Variants in PDE4D observed in about 807,000 individuals in gnomAD.
The protein encoded by PDE4D is phosphodiesterase 4D, also known as 3',5'-cyclic-AMP phosphodiesterase 4D.
In PDE4D, 24 loss-of-function variants were observed where a neutral mutation model predicts 87.4. That is an observed-to-expected ratio of 0.27 (90% CI 0.20 to 0.39). The LOEUF (loss-of-function observed/expected upper bound fraction) is 0.39, where lower values mean the gene tolerates loss of function less well. Ranked by LOEUF, PDE4D falls within the 10% of genes least tolerant of loss-of-function variation. PDE4D has a pLI of 1.00. For synonymous variants in PDE4D, 384 were observed against 383.2 expected (o/e 1.00, Z -0.02); for missense variants, 714 against 1,041.0 (o/e 0.69, Z 4.32).
intron 6 of PDE4D, among the ~76,000 whole-genome samples, chr5:59,009,450 T>G (rs1006769090): frequency 2.0e-5 from 3 of 152,144 alleles, no homozygotes; most frequent in African/African-American, 7.2e-5. Flanking sequence ...AAATGTATTA[T>G]AAGTGAAACT....
intron 1 of PDE4D, among the ~76,000 whole-genome samples, chr5:59,791,662 C>G (rs75724778): frequency 6.6e-6 from 1 of 152,058 alleles, no homozygotes; most frequent in Non-Finnish European, 1.5e-5. Context: ...GTCACAAGAC[C>G]GGGCCCTGTA....
chr5:59,218,704 T>G (rs1751807374), intron 1 of PDE4D, among the ~76,000 whole-genome samples: 1 of 152,066 alleles, frequency 6.6e-6, no homozygotes, highest in Non-Finnish European at 1.5e-5. Context: ...TAGGAACTCA[T>G]GAAAATAACC....
At chr5:60,310,352 G>T (rs754434662) in intron 1 of PDE4D, among the ~76,000 whole-genome samples, 23 of 152,270 alleles carry the variant, frequency 1.5e-4, no homozygotes, top group South Asian at 4.2e-4. Context: ...TGATGGCCAG[G>T]ATAGTAGAGG....
At chr5:59,198,360 T>C (rs189396740) in intron 2 of PDE4D, among the ~76,000 whole-genome samples, 1 of 151,498 alleles carries the variant, frequency 6.6e-6, no homozygotes. Context: ...TGTATGCACA[T>C]ATGTATGTAT....
rs1052300611 is a variant in PDE4D at position 59,651,570 on chromosome 5, C to T, written c.455+241598G>A. Among the ~76,000 whole-genome samples, 4 of 151,928 alleles carry T rather than the reference C, an allele frequency of 2.6e-5. No homozygotes were observed. In the East Asian group the frequency reaches 5.8e-4, roughly 22 times the overall value. On this transcript the variant is annotated intron_variant, in intron 1 of 14. Transcript: ENST00000340635. The stretch of plus-strand genomic sequence containing the variant: ...GGGTCATTCAATATATGAAACTTTT[C>T]CGTGGAAAATATTAATAATTATAAT...
chr5:59,826,314 A>G (rs1419516976), intron 1 of PDE4D, among the ~76,000 whole-genome samples: 1 of 152,134 alleles, frequency 6.6e-6, no homozygotes, highest in Non-Finnish European at 1.5e-5. Context: ...ACATTATACA[A>G]ATTTTATTGT....
At chr5:59,706,667 A>C (rs1245351260) in intron 1 of PDE4D, among the ~76,000 whole-genome samples, 1 of 152,158 alleles carries the variant, frequency 6.6e-6, no homozygotes, top group Non-Finnish European at 1.5e-5. Context: ...GAATTCTAGA[A>C]TGTATCCTTT....
At chr5:58,981,687 T>G (rs1745206221) in intron 11 of PDE4D, among the ~76,000 whole-genome samples, 1 of 152,160 alleles carries the variant, frequency 6.6e-6, no homozygotes, top group Non-Finnish European at 1.5e-5. Context: ...TTACTACTCA[T>G]TCTGTATTCC....
chr5:59,244,505 T>G (rs1009967411), intron 1 of PDE4D, among the ~76,000 whole-genome samples: 1 of 151,182 alleles, frequency 6.6e-6, no homozygotes, highest in East Asian at 1.9e-4. Context: ...TCCTATTATG[T>G]GCCAGATGAA....
At chr5:60,433,223 C>T (rs758127904) in intron 1 of PDE4D, among the ~76,000 whole-genome samples, 1 of 151,972 alleles carries the variant, frequency 6.6e-6, no homozygotes, top group Non-Finnish European at 1.5e-5. Flanking sequence ...GGAACTTAGA[C>T]AAATTGACAA....
chr5:60,389,351 G>A (rs1214995708), intron 1 of PDE4D, among the ~76,000 whole-genome samples: 9 of 152,012 alleles, frequency 5.9e-5, no homozygotes, highest in Non-Finnish European at 1.2e-4. Flanking sequence ...TTTTTCGAAG[G>A]AGAGAATAAA....
At chr5:59,550,615 T>C (rs1481105625) in intron 1 of PDE4D, among the ~76,000 whole-genome samples, 1 of 152,214 alleles carries the variant, frequency 6.6e-6, no homozygotes, top group East Asian at 1.9e-4. Context: ...TGGGGTTTTA[T>C]TCATGTAACT....
At chr5:60,431,442 G>A (rs1414554759) in intron 1 of PDE4D, among the ~76,000 whole-genome samples, 24 of 149,932 alleles carry the variant, frequency 1.6e-4, no homozygotes, top group African/African-American at 5.7e-4. Context: ...ACGGGGCGGC[G>A]GGGCAGAGGC....
chr5:59,124,052 A>G (rs373019531), intron 5 of PDE4D, among the ~76,000 whole-genome samples: 42 of 152,252 alleles, frequency 2.8e-4, no homozygotes, highest in African/African-American at 9.4e-4. Flanking sequence ...GAAAAGGTAT[A>G]ACCTTTGGAA....
In PDE4D at chr5:59,427,255, A is replaced by G. The variant is rs60960301; in HGVS notation, c.456-211287T>C. Among the ~76,000 whole-genome samples, 942 of 137,218 alleles carry G rather than the reference A, an allele frequency of 6.9e-3. 8 individuals are homozygous for G. The highest frequency in any genetic ancestry group is 0.025 in the African/African-American group (911 of 36,226). 90.0% of individuals were successfully genotyped at this position (137,218 alleles called of 152,430 possible). A position where few individuals can be genotyped will look rare whatever the true frequency, so the allele number is the denominator to read the frequency against. On this transcript the variant is annotated intron_variant, in intron 1 of 14. Transcript: ENST00000340635. Reference sequence around the variant, plus strand: ...AATAACAGAAGCAAAAATCTTGCCAAAGACTCCATACTGTGGCATACAGGG... The same window carrying G: ...AATAACAGAAGCAAAAATCTTGCCAGAGACTCCATACTGTGGCATACAGGG...
At chr5:59,071,737 A>C (rs1764855773) in intron 5 of PDE4D, among the ~76,000 whole-genome samples, 2 of 114,604 alleles carry the variant, frequency 1.7e-5, no homozygotes, top group Non-Finnish European at 3.2e-5. Flanking sequence ...CCCAGGCTGG[A>C]GTGCAGTGGG....
At chr5:60,225,343 GT>G (rs1046949463) in intron 1 of PDE4D, among the ~76,000 whole-genome samples, 3 of 151,500 alleles carry the variant, frequency 2.0e-5, no homozygotes, top group Non-Finnish European at 2.9e-5. Flanking sequence ...ATTAATAAAC[GT>G]TTTTTTCCTC....
intron 1 of PDE4D, among the ~76,000 whole-genome samples, chr5:60,468,126 C>CTTTTTTTTT: frequency 9.1e-6 from 1 of 110,120 alleles, no homozygotes; most frequent in African/African-American, 4.5e-5. Flanking sequence ...TCCTAACTTT[C>CTTTTTTTTT]TTTCTTTTTT....
chr5:59,128,363 C>T (rs1775795131), intron 5 of PDE4D, among the ~76,000 whole-genome samples: 1 of 152,040 alleles, frequency 6.6e-6, no homozygotes, highest in African/African-American at 2.4e-5. Context: ...AATAGTATCA[C>T]TAAGAATTAA....
Sources: allele counts gnomAD v4.1 joint callset (sites outside exome capture counted in the v4.1 genomes callset), GRCh38; gene constraint gnomAD v4.1.1; transcripts MANE v1.5; gene names NCBI Gene and HGNC (gene_info 2026-07-23, HGNC 2026-07-21).